FAM219A: variants seen among roughly 807,000 people sequenced by gnomAD.
FAM219A encodes the protein family with sequence similarity 219 member A.
FAM219A carries 7 observed loss-of-function variants against 23.4 expected under a neutral mutation model. That is an observed-to-expected ratio of 0.30 (90% CI 0.17 to 0.56). The LOEUF (loss-of-function observed/expected upper bound fraction) is 0.56. FAM219A is among the 20% of genes least tolerant of loss of function. FAM219A has a pLI of 0.92. For synonymous variants in FAM219A, 93 were observed against 99.0 expected (o/e 0.94, Z 0.36); for missense variants, 166 against 246.9 (o/e 0.67, Z 2.20).
intron 1 of FAM219A, among the ~76,000 whole-genome samples, chr9:34,439,980 C>T (rs1356975480): frequency 6.6e-6 from 1 of 152,148 alleles, no homozygotes; most frequent in African/African-American, 2.4e-5. Flanking sequence ...TCTGTGACCG[C>T]CCAGGAGAAG....
chr9:34,440,174 A>C (rs910321956), intron 1 of FAM219A, among the ~76,000 whole-genome samples: 5 of 152,254 alleles, frequency 3.3e-5, no homozygotes, highest in African/African-American at 9.6e-5. Context: ...TATGTTTTCT[A>C]GCTGTTGCAC....
In FAM219A at chr9:34,402,688, G is replaced by A. The variant is rs1206181449; in HGVS notation, c.263+17C>T. 6.2e-7 allele frequency: 1 copy of A among 1,613,344 alleles called. No individual in the cohort carries two copies. On this transcript the variant is annotated intron_variant, in intron 3 of 5. Transcript: ENST00000651358. The stretch of plus-strand genomic sequence containing the variant: ...TCCTGGCTGGCAGGGTCCAGGTGGG[G>A]TAGGGAGGGCCTCTACCTTGTTCGG...
intron 1 of FAM219A, among the ~76,000 whole-genome samples, chr9:34,420,475 C>A (rs1404897688): frequency 6.6e-6 from 1 of 152,226 alleles, no homozygotes; most frequent in Non-Finnish European, 1.5e-5. Flanking sequence ...CTTTTCGTTG[C>A]TGCTGATGTA....
intron 1 of FAM219A, among the ~76,000 whole-genome samples, chr9:34,431,754 CAT>C (rs1036067982): frequency 2.0e-5 from 3 of 152,086 alleles, no homozygotes; most frequent in Non-Finnish European, 4.4e-5. Context: ...AAGAGGAATA[CAT>C]AGTCACTGTA....
At chr9:34,447,746 T>C (rs1823422705) in intron 1 of FAM219A, among the ~76,000 whole-genome samples, 1 of 152,226 alleles carries the variant, frequency 6.6e-6, no homozygotes, top group South Asian at 2.1e-4. Context: ...CCCCCTCTTA[T>C]CTGCTCAGCA....
intron 1 of FAM219A, among the ~76,000 whole-genome samples, chr9:34,422,878 A>C (rs1319620286): frequency 6.6e-6 from 1 of 152,176 alleles, no homozygotes; most frequent in Non-Finnish European, 1.5e-5. Flanking sequence ...ATATAAAAAT[A>C]ATATGGGCTG....
chr9:34,429,820 A>T (rs774551216), intron 1 of FAM219A, among the ~76,000 whole-genome samples: 5 of 152,196 alleles, frequency 3.3e-5, no homozygotes, highest in Non-Finnish European at 7.3e-5. Context: ...TCATGAAAGG[A>T]TCCTGCTTCA....
chr9:34,446,798 C>T (rs1410308814), intron 1 of FAM219A, among the ~76,000 whole-genome samples: 2 of 152,162 alleles, frequency 1.3e-5, no homozygotes, highest in African/African-American at 4.8e-5. Context: ...CTTTTGACTC[C>T]TTTCATTATT....
intron 1 of FAM219A, among the ~76,000 whole-genome samples, chr9:34,426,262 C>T (rs1376994205): frequency 1.3e-5 from 2 of 152,314 alleles, no homozygotes; most frequent in East Asian, 3.9e-4. Context: ...GTTGAAACAT[C>T]AGTGATTTTG....
intron 1 of FAM219A, among the ~76,000 whole-genome samples, chr9:34,434,755 TAGGAGATCTCTCAACAGGGAGTAAGAAAC>T (rs1273304554): frequency 6.6e-6 from 1 of 152,222 alleles, no homozygotes; most frequent in Non-Finnish European, 1.5e-5. Flanking sequence ...AGTGGAACTG[TAGGAGATCTCTCAACAGGGAGTAAGAAAC>T]AGGAAGGTAT....
intron 1 of FAM219A, among the ~76,000 whole-genome samples, chr9:34,426,622 T>C (rs1442198169): frequency 6.6e-6 from 1 of 152,206 alleles, no homozygotes; most frequent in African/African-American, 2.4e-5. Context: ...GAAATCCAAG[T>C]ATAAAATCTT....
intron 1 of FAM219A, among the ~76,000 whole-genome samples, chr9:34,421,046 A>AGAGAGAC: frequency 3.0e-5 from 1 of 33,140 alleles, no homozygotes; most frequent in South Asian, 9.0e-4. Context: ...GAGAGAGAGA[A>AGAGAGAC]TGGCTCTGCT....
intron 1 of FAM219A, among the ~76,000 whole-genome samples, chr9:34,427,748 C>T (rs184875401): frequency 1.3e-5 from 2 of 152,296 alleles, no homozygotes; most frequent in African/African-American, 4.8e-5. Flanking sequence ...TGGTGTCCCA[C>T]AGACAGATGT....
intron 1 of FAM219A, among the ~76,000 whole-genome samples, chr9:34,439,674 A>G (rs1305714048): frequency 6.6e-6 from 1 of 152,088 alleles, no homozygotes; most frequent in Non-Finnish European, 1.5e-5. Flanking sequence ...CAGCAAGAAC[A>G]TTATGCGCAA....
chr9:34,449,082 T>C (rs1401286655), intron 1 of FAM219A, among the ~76,000 whole-genome samples: 1 of 151,716 alleles, frequency 6.6e-6, no homozygotes, highest in Non-Finnish European at 1.5e-5. Context: ...ACCTGTAATC[T>C]TAGCACTTTG....
rs1375612774 is a variant in FAM219A at position 34,435,624 on chromosome 9, T to C, written c.60+22580A>G. Among the ~76,000 whole-genome samples the C allele has an allele frequency of 1.1e-4, 16 of 152,342 alleles. No individual in the cohort carries two copies. In the East Asian group the frequency reaches 3.1e-3, roughly 29 times the overall value. Reference sequence around the variant, plus strand: ...GGAATCAGATGATCCATCTTCCATATGTATTTTACTCAGTAACTTTTGTGT... The same window carrying C: ...GGAATCAGATGATCCATCTTCCATACGTATTTTACTCAGTAACTTTTGTGT... On this transcript the variant is annotated intron_variant, in intron 1 of 5. Transcript: ENST00000651358.
chr9:34,456,547 C>T lies in FAM219A; in HGVS notation c.60+1657G>A, dbSNP rs1823736227. Among the ~76,000 whole-genome samples the T allele has an allele frequency of 3.9e-5, 6 of 152,376 alleles. 1 individual carries two copies. In the South Asian group the frequency reaches 1.2e-3, roughly 32 times the overall value. On this transcript the variant is annotated intron_variant, in intron 1 of 5. Coordinates refer to ENST00000651358, the MANE Select transcript of FAM219A (RefSeq NM_001184940.2). ...AACCTCCTCTTCCTTCATCCACCCT[C>T]TATTTTGATTCTTGATTAGATGCTT...
At chr9:34,435,612 C>T (rs190183722) in intron 1 of FAM219A, among the ~76,000 whole-genome samples, 25 of 152,258 alleles carry the variant, frequency 1.6e-4, no homozygotes, top group Admixed American at 5.9e-4. Flanking sequence ...ATCAGATGAT[C>T]CATCTTCCAT....
At chr9:34,453,831 A>G (rs1431037574) in intron 1 of FAM219A, among the ~76,000 whole-genome samples, 3 of 152,216 alleles carry the variant, frequency 2.0e-5, no homozygotes, top group Non-Finnish European at 4.4e-5. Flanking sequence ...AAGAGAAGAC[A>G]TAGACTGTGC....
Sources: allele counts gnomAD v4.1 joint callset (sites outside exome capture counted in the v4.1 genomes callset), GRCh38; gene constraint gnomAD v4.1.1; transcripts MANE v1.5; gene names NCBI Gene and HGNC (gene_info 2026-07-23, HGNC 2026-07-21).